VRK3: variants seen among roughly 807,000 people sequenced by gnomAD.
The protein encoded by VRK3 is serine/threonine-protein kinase VRK3.
In VRK3, 50 loss-of-function variants were observed where a neutral mutation model predicts 60.4. The observed-to-expected ratio is 0.83, with a 90% confidence interval of 0.66 to 1.05. The LOEUF is 1.05. Among genes scored for constraint, VRK3 ranks in the 50% least tolerant of loss-of-function variants. VRK3 has a pLI of 0.00. For synonymous variants in VRK3, 246 were observed against 227.8 expected (o/e 1.08, Z -0.72); for missense variants, 549 against 585.3 (o/e 0.94, Z 0.64).
chr19:50,016,498 A>G (rs551394530), intron 2 of VRK3, among the ~76,000 whole-genome samples: 57 of 152,296 alleles, frequency 3.7e-4, no homozygotes, highest in African/African-American at 1.2e-3. Context: ...CTCCACCTGC[A>G]GGGATGGCCC....
chr19:50,021,941 G>T (rs1401188458), intron 1 of VRK3, among the ~76,000 whole-genome samples: 1 of 152,204 alleles, frequency 6.6e-6, no homozygotes, highest in African/African-American at 2.4e-5. Context: ...GAGGCTCAGA[G>T]AGCAAATGAC....
intron 11 of VRK3, 81 bp from the exon 12 acceptor site, chr19:49,988,573 T>C: frequency 6.5e-7 from 1 of 1,534,778 alleles, no homozygotes; most frequent in Non-Finnish European, 8.8e-7. Flanking sequence ...CCTTCCCCTC[T>C]CTCTCACTGA....
At chr19:50,025,167 C>A (rs2077248559) in intron 1 of VRK3, 100 bp downstream of exon 1, 1 of 152,342 alleles carries the variant, frequency 6.6e-6, no homozygotes, top group Admixed American at 6.5e-5. Flanking sequence ...GCAGGGGCCT[C>A]CGCCTCCCAC....
chr19:50,015,937 G>GT lies in VRK3; in HGVS notation c.139+86_139+87insA, dbSNP rs2077068803. The GT allele has an allele frequency of 4.5e-6, 7 of 1,570,864 alleles. No homozygotes were observed. In the Admixed American group the frequency reaches 1.0e-4, roughly 23 times the overall value. On this transcript the variant is annotated intron_variant, in intron 3 of 14. Transcript: ENST00000316763. ...CCAGTGTCAGGACAGGGTCAGACAGGCTGCAAAGGCATCCTCCCTCCGCAG... is the reference window on the plus strand; with the variant it reads ...CCAGTGTCAGGACAGGGTCAGACAGGTCTGCAAAGGCATCCTCCCTCCGCAG...
At chr19:50,019,513 CTTTTT>C (rs776345117) in intron 2 of VRK3, among the ~76,000 whole-genome samples, 1 of 151,520 alleles carries the variant, frequency 6.6e-6, no homozygotes, top group Non-Finnish European at 1.5e-5. Flanking sequence ...CTGTACACTT[CTTTTT>C]TATTTTTTAG....
chr19:50,000,427 T>C (rs1298174972), intron 6 of VRK3: 5 of 308,714 alleles, frequency 1.6e-5, no homozygotes, highest in African/African-American at 2.2e-5. Context: ...TGATACACAG[T>C]AGGTGCTCGA....
At chr19:49,997,129 T>C (rs61476152) in intron 7 of VRK3, 8,012 of 158,868 alleles carry the variant, frequency 0.05, 690 homozygotes, top group African/African-American at 0.18. Flanking sequence ...GGATCACAGG[T>C]GCATGCCATT....
At chr19:49,981,249 C>T in intron 12 of VRK3, 1 of 558,598 alleles carries the variant, frequency 1.8e-6, no homozygotes, top group Non-Finnish European at 3.2e-6. Context: ...TTTCCCCGAT[C>T]AATACACCTT....
intron 1 of VRK3, among the ~76,000 whole-genome samples, chr19:50,022,654 C>T (rs755585839): frequency 2.0e-5 from 3 of 151,872 alleles, no homozygotes; most frequent in Non-Finnish European, 2.9e-5. Context: ...ATCAGCCGGG[C>T]GTGGTGGTGG....
At chr19:49,981,688 T>G (rs2076424661) in intron 12 of VRK3, 1 of 996,670 alleles carries the variant, frequency 1.0e-6, no homozygotes, top group Non-Finnish European at 1.2e-6. Flanking sequence ...CCTTTGATGA[T>G]GAGGAAAGAT....
chr19:50,009,194 T>C (rs759129301), intron 4 of VRK3, 42 bp downstream of exon 4: 1 of 1,592,842 alleles, frequency 6.3e-7, no homozygotes, highest in Non-Finnish European at 8.6e-7. Context: ...GACCTAACTT[T>C]GCTCCACTTA....
intron 10 of VRK3, 144 bp downstream of exon 10, chr19:49,992,711 GCTTAT>G (rs1284515626): frequency 2.9e-5 from 19 of 651,132 alleles, no homozygotes; most frequent in African/African-American, 1.1e-4. Context: ...CTACTAAGTT[GCTTAT>G]CTTATTTATT....
rs552837843 is a variant in VRK3, at chr19:49,980,047, C to A, written c.1277-805G>T. On this transcript the variant is annotated intron_variant, in intron 13 of 14. Coordinates refer to ENST00000316763, the MANE Select transcript of VRK3 (RefSeq NM_016440.4). ...CCTGGGCGACAGAGCAAGACTCCGT[C>A]TCAAAAAAAATAATAAAATAAATTT... Among the ~76,000 whole-genome samples, 9 of 151,580 alleles carry A rather than the reference C, an allele frequency of 5.9e-5. No individual in the cohort carries two copies. The East Asian group carries it at 1.6e-3, about 26-fold the overall frequency.
intron 12 of VRK3, chr19:49,982,052 C>T: frequency 1.5e-6 from 1 of 687,794 alleles, no homozygotes; most frequent in East Asian, 2.7e-5. Flanking sequence ...CCGGAGGCGG[C>T]TGCATAACGG....
Position 49,979,259 on chromosome 19 carries a change from C to A in VRK3, c.1277-17G>T, listed in dbSNP as rs764311162. Reference sequence around the variant, plus strand: ...GCAGGGTCTCTGTGGTCAAGACAACCCCCAGCAAGGGAGAGCCTGAGAGGC... The same window carrying A: ...GCAGGGTCTCTGTGGTCAAGACAACACCCAGCAAGGGAGAGCCTGAGAGGC... On this transcript the variant is annotated splice_polypyrimidine_tract_variant and intron_variant, in intron 13 of 14. Transcript: ENST00000316763. 6.2e-7 allele frequency: 1 copy of A among 1,614,012 alleles called. No homozygotes were observed. Among genetic ancestry groups the A allele is most frequent in the South Asian group, 1.1e-5 (1 of 91,070 alleles).
chr19:50,009,081 G>T (rs529253628), intron 4 of VRK3, among the ~76,000 whole-genome samples, 155 bp downstream of exon 4: 2 of 152,074 alleles, frequency 1.3e-5, no homozygotes, highest in Non-Finnish European at 2.9e-5. Context: ...CAGACTGGAG[G>T]GGGAGATGGG....
At chr19:50,023,313 G>A (rs975478560) in intron 1 of VRK3, among the ~76,000 whole-genome samples, 2 of 152,188 alleles carry the variant, frequency 1.3e-5, no homozygotes, top group African/African-American at 4.8e-5. Context: ...AGCCTCCCAT[G>A]TAGTTGGGAT....
Position 49,995,234 on chromosome 19 carries a change from T to C in VRK3, c.721A>G (p.Ile241Val). The C allele has an allele frequency of 6.2e-7, 1 of 1,614,190 alleles. No individual in the cohort carries two copies. The highest frequency in any genetic ancestry group is 8.5e-7 in the Non-Finnish European group (1 of 1,180,032). The change falls in exon 8 of 15, where the codon ATC (isoleucine) becomes GTC (valine). Residue 241 changes from isoleucine to valine, a missense_variant. Physicochemically the swap from Ile to Val is conservative, Grantham distance 29. Coordinates refer to ENST00000316763, the MANE Select transcript of VRK3 (RefSeq NM_016440.4). ...ACACCGAAACCCATGCAGGTAGGGA[T>C]GGCCAGCAGTGGGGTCGAGTACAGC... is the stretch of plus-strand genomic sequence containing the variant. ...KKLYSTPLLA[I>V]PTCMGFGVHQ...
rs1171739310 is a variant in VRK3 at position 50,011,577 on chromosome 19, G to A, written c.140-2192C>T. ...TAGAAGCTCTTCCGCAGCTCTCCAC[G>A]TCACCACAGTTAAAACCAAACTCCC... is the stretch of plus-strand genomic sequence containing the variant. On this transcript the variant is annotated intron_variant, in intron 3 of 14. Coordinates refer to ENST00000316763, the MANE Select transcript of VRK3 (RefSeq NM_016440.4). Among the ~76,000 whole-genome samples the A allele has an allele frequency of 3.9e-5, 6 of 152,070 alleles. No individual in the cohort carries two copies. In the South Asian group the frequency reaches 1.0e-3, roughly 26 times the overall value.
Sources: gnomAD v4.1 joint callset for allele counts (sites outside exome capture counted in the v4.1 genomes callset) on GRCh38, gnomAD v4.1.1 for gene constraint, MANE v1.5 for transcripts, NCBI Gene and HGNC (gene_info 2026-07-23, HGNC 2026-07-21) for gene names.